NRXN3: variants seen among roughly 807,000 people sequenced by gnomAD.
NRXN3 encodes neurexin 3, also known as neurexin III.
Under a neutral mutation model 137.6 loss-of-function variants are expected in NRXN3, and 32 were observed. The observed-to-expected ratio is 0.23, with a 90% CI of 0.18 to 0.31. The LOEUF (loss-of-function observed/expected upper bound fraction) is 0.31. Ranked by LOEUF, NRXN3 falls within the 10% of genes least tolerant of loss-of-function variation. The pLI is 1.00. For missense variants in NRXN3, 1,574 were observed against 2,062.5 expected, an observed-to-expected ratio of 0.76 and a Z score of 4.59; for synonymous variants, 798 against 784.5, an observed-to-expected ratio of 1.02 and a Z score of -0.29.
intron 15 of NRXN3, among the ~76,000 whole-genome samples, chr14:79,388,343 A>G (rs2094714459): frequency 6.6e-6 from 1 of 152,194 alleles, no homozygotes; most frequent in Admixed American, 6.5e-5. Flanking sequence ...CTTTATAGCA[A>G]TGCAAGAATG....
At chr14:78,993,337 C>T (rs951236720) in intron 15 of NRXN3, among the ~76,000 whole-genome samples, 1 of 152,124 alleles carries the variant, frequency 6.6e-6, no homozygotes, top group African/African-American at 2.4e-5. Flanking sequence ...TATGTGTATA[C>T]TGATTCTGTC....
At chr14:79,786,154 T>A (rs1409955023) in intron 19 of NRXN3, among the ~76,000 whole-genome samples, 2 of 152,214 alleles carry the variant, frequency 1.3e-5, no homozygotes, top group African/African-American at 4.8e-5. Flanking sequence ...ATCATTGTTA[T>A]AACCAATGTG....
At chr14:79,469,857 G>C (rs1458744242) in intron 16 of NRXN3, among the ~76,000 whole-genome samples, 1 of 152,116 alleles carries the variant, frequency 6.6e-6, no homozygotes, top group East Asian at 1.9e-4. Context: ...TTATCTCTTT[G>C]TCTACTCTGA....
chr14:79,502,673 G>A (rs1022819001), intron 16 of NRXN3, among the ~76,000 whole-genome samples: 1 of 152,064 alleles, frequency 6.6e-6, no homozygotes, highest in Non-Finnish European at 1.5e-5. Context: ...ACCTGAGCCT[G>A]TGTCTGCCTC....
chr14:79,740,007 C>T (rs1160891888), intron 19 of NRXN3, among the ~76,000 whole-genome samples: 1 of 152,142 alleles, frequency 6.6e-6, no homozygotes, highest in Admixed American at 6.5e-5. Context: ...CCAGAGGATG[C>T]TGGCTGCTGC....
intron 4 of NRXN3, among the ~76,000 whole-genome samples, chr14:78,588,395 G>A (rs921305839): frequency 6.6e-6 from 1 of 152,176 alleles, no homozygotes; most frequent in Non-Finnish European, 1.5e-5. Context: ...TTACTGCTCT[G>A]TGGAATAAAA....
chr14:79,552,010 T>C (rs1991158), intron 16 of NRXN3, among the ~76,000 whole-genome samples: 74,355 of 152,034 alleles, frequency 0.49, 20,783 homozygotes, highest in Admixed American at 0.61. Context: ...TGTAGATCCC[T>C]GTATATGGAG....
At chr14:79,298,421 G>A (rs2084568310) in intron 15 of NRXN3, among the ~76,000 whole-genome samples, 3 of 152,078 alleles carry the variant, frequency 2.0e-5, no homozygotes, top group African/African-American at 7.2e-5. Context: ...TCTAGCTACA[G>A]AAGGCCAGGT....
At chr14:79,306,586 G>A (rs1423376673) in intron 15 of NRXN3, among the ~76,000 whole-genome samples, 2 of 152,064 alleles carry the variant, frequency 1.3e-5, no homozygotes, top group Admixed American at 1.3e-4. Context: ...TTAACACCAT[G>A]ATCTTATCCT....
chr14:79,805,900 C>G (rs577673254), intron 20 of NRXN3, among the ~76,000 whole-genome samples: 4 of 152,208 alleles, frequency 2.6e-5, no homozygotes, highest in East Asian at 1.9e-4. Flanking sequence ...AATGTGTTCC[C>G]CATTTGGACC....
At chr14:79,817,764 G>T (rs551336589) in intron 20 of NRXN3, among the ~76,000 whole-genome samples, 1 of 152,032 alleles carries the variant, frequency 6.6e-6, no homozygotes, top group South Asian at 2.1e-4. Context: ...AATAGCTGCC[G>T]GCCTCCTTGA....
At position 79,059,250 on chromosome 14, in the gene NRXN3, C is replaced by CTTTT. The variant is rs869266975; in HGVS notation, c.3262+71131_3262+71134dup. Among the ~76,000 whole-genome samples the CTTTT allele has an allele frequency of 8.1e-4, 63 of 78,234 alleles. 1 individual carries two copies. The highest frequency in any genetic ancestry group is 1.3e-3 in the African/African-American group (26 of 19,604). 51.3% of individuals were successfully genotyped at this position (78,234 alleles called of 152,430 possible). ...AAGAAGGCTGCCTTCAGGCCCTATT[C>CTTTT]TTTTTTTTTTTTTTTTTTTTTTTTT... is the stretch of plus-strand genomic sequence containing the variant. On this transcript the variant is annotated intron_variant, in intron 15 of 20. Coordinates refer to ENST00000335750, the MANE Select transcript of NRXN3 (RefSeq NM_001330195.2).
chr14:78,953,451 T>C (rs1382126596), intron 10 of NRXN3, among the ~76,000 whole-genome samples: 1 of 152,236 alleles, frequency 6.6e-6, no homozygotes, highest in African/African-American at 2.4e-5. Context: ...GGCCATCTTC[T>C]GTGAAGCAAA....
chr14:79,609,144 TGAGTTCGCGTGAGA>T (rs2098065618), intron 16 of NRXN3, among the ~76,000 whole-genome samples: 1 of 151,970 alleles, frequency 6.6e-6, no homozygotes, highest in Non-Finnish European at 1.5e-5. Flanking sequence ...CTCATTATGG[TGAGTTCGCGTGAGA>T]AAGTGTCCAC....
At chr14:79,651,658 G>T (rs1340484859) in intron 16 of NRXN3, among the ~76,000 whole-genome samples, 4 of 152,146 alleles carry the variant, frequency 2.6e-5, no homozygotes, top group Non-Finnish European at 5.9e-5. Context: ...GGTTATCAAA[G>T]ATGTCTCTGG....
intron 15 of NRXN3, among the ~76,000 whole-genome samples, chr14:78,990,434 C>T (rs1567918307): frequency 7.2e-6 from 1 of 138,406 alleles, no homozygotes; most frequent in African/African-American, 2.8e-5. Flanking sequence ...TGCAGTGGCA[C>T]AATCTCGGCT....
At chr14:78,812,776 C>T (rs1040602718) in intron 10 of NRXN3, among the ~76,000 whole-genome samples, 1 of 152,170 alleles carries the variant, frequency 6.6e-6, no homozygotes, top group Non-Finnish European at 1.5e-5. Context: ...CAATTCAATA[C>T]TTACATAAAG....
intron 4 of NRXN3, among the ~76,000 whole-genome samples, chr14:78,468,463 A>C (rs542082931): frequency 7.9e-5 from 12 of 152,264 alleles, no homozygotes; most frequent in African/African-American, 2.2e-4. Flanking sequence ...AAGTTAGCAG[A>C]GGCTTGTTTT....
At chr14:78,180,627 A>G (rs1385383674) in intron 1 of NRXN3, among the ~76,000 whole-genome samples, 3 of 152,180 alleles carry the variant, frequency 2.0e-5, no homozygotes, top group East Asian at 1.9e-4. Context: ...GCTGTGTTCT[A>G]TTGTCCCATA....
Sources: allele counts gnomAD v4.1 joint callset (sites outside exome capture counted in the v4.1 genomes callset), GRCh38; gene constraint gnomAD v4.1.1; transcripts MANE v1.5; gene names NCBI Gene and HGNC (gene_info 2026-07-23, HGNC 2026-07-21).